TSNARE1: variants seen among roughly 807,000 people sequenced by gnomAD.
TSNARE1 encodes t-SNARE domain-containing protein 1.
TSNARE1 carries 49 observed loss-of-function variants against 62.0 expected under a neutral mutation model. That is an observed-to-expected ratio of 0.79 (90% CI 0.63 to 1.00). The LOEUF (loss-of-function observed/expected upper bound fraction) is 1.00, where lower values mean the gene tolerates loss of function less well. Among genes scored for constraint, TSNARE1 ranks in the 50% least tolerant of loss-of-function variants. The pLI is 0.00. For synonymous variants in TSNARE1, 328 were observed against 294.4 expected, an observed-to-expected ratio of 1.11 and a Z score of -1.17; for missense variants, 755 against 700.1, an observed-to-expected ratio of 1.08 and a Z score of -0.88.
At chr8:142,379,620 T>C (rs1028877209) in intron 1 of TSNARE1, among the ~76,000 whole-genome samples, 13 of 152,194 alleles carry the variant, frequency 8.5e-5, no homozygotes, top group Admixed American at 2.0e-4. Flanking sequence ...TTGAAAGCCC[T>C]TCTCTGCCTG....
chr8:142,350,452 T>G (rs1234445543), intron 2 of TSNARE1, among the ~76,000 whole-genome samples: 2 of 152,234 alleles, frequency 1.3e-5, no homozygotes. Flanking sequence ...AGGAATTAAC[T>G]GGTAGTCAGA....
intron 12 of TSNARE1, among the ~76,000 whole-genome samples, chr8:142,267,130 G>A (rs926172084): frequency 6.6e-6 from 1 of 152,046 alleles, no homozygotes; most frequent in African/African-American, 2.4e-5. Flanking sequence ...AAATCTTTTG[G>A]GGTCTAAACT....
intron 10 of TSNARE1, among the ~76,000 whole-genome samples, chr8:142,284,989 G>A (rs1310427485): frequency 6.6e-6 from 1 of 152,218 alleles, no homozygotes; most frequent in Non-Finnish European, 1.5e-5. Context: ...ACTGAGCATG[G>A]GCCAGCACAC....
At position 142,291,982 on chromosome 8, in the gene TSNARE1, G is replaced by A. The variant is rs1160663509; in HGVS notation, c.1291-7497C>T. ...GCACGCCCCCCCCGGCCCCCCACCT[G>A]TTTCAAGCAGAATGTGATAGAAGGG... On this transcript the variant is annotated intron_variant, in intron 10 of 13. Transcript: ENST00000524325. This position sits in a 1 kb window ranked among gnomAD's most constrained non-coding sequence, Gnocchi z 4.8. Among the ~76,000 whole-genome samples, 1 of 151,154 alleles carries A rather than the reference G, an allele frequency of 6.6e-6. No individual in the cohort carries two copies. The highest frequency in any genetic ancestry group is 2.4e-5 in the African/African-American group (1 of 40,884).
chr8:142,330,527 G>A (rs956676737), intron 6 of TSNARE1, among the ~76,000 whole-genome samples: 1 of 152,260 alleles, frequency 6.6e-6, no homozygotes, highest in Non-Finnish European at 1.5e-5. Context: ...CCATAGCTGA[G>A]CAGGCCCCAA....
chr8:142,334,436 G>A (rs1831474774), intron 4 of TSNARE1, among the ~76,000 whole-genome samples: 1 of 151,912 alleles, frequency 6.6e-6, no homozygotes, highest in South Asian at 2.1e-4. Flanking sequence ...ATTCACAGGT[G>A]GGCAGGTGAC....
intron 1 of TSNARE1, among the ~76,000 whole-genome samples, chr8:142,355,577 G>A (rs941161385): frequency 6.6e-6 from 1 of 152,200 alleles, no homozygotes; most frequent in South Asian, 2.1e-4. Context: ...GATAACGGGA[G>A]CTCTCCTGCC....
chr8:142,376,395 T>C (rs1836343599), intron 1 of TSNARE1, among the ~76,000 whole-genome samples: 1 of 152,152 alleles, frequency 6.6e-6, no homozygotes, highest in Non-Finnish European at 1.5e-5. Context: ...CGTTAGCAGG[T>C]GAGGCATTTG....
At chr8:142,301,404 G>A (rs1462545995) in intron 9 of TSNARE1, among the ~76,000 whole-genome samples, 4 of 118,390 alleles carry the variant, frequency 3.4e-5, no homozygotes, top group African/African-American at 3.3e-5. Flanking sequence ...TCAGGAGCCC[G>A]GCCACAGTGC....
intron 13 of TSNARE1, among the ~76,000 whole-genome samples, chr8:142,213,728 G>A (rs773618475): frequency 3.9e-5 from 6 of 152,192 alleles, no homozygotes; most frequent in African/African-American, 7.2e-5. Context: ...GCAGGGAGGC[G>A]AGGGGAGGGT....
chr8:142,217,850 G>C (rs80047587), intron 13 of TSNARE1, among the ~76,000 whole-genome samples: 15,246 of 109,684 alleles, frequency 0.14, 1,573 homozygotes, highest in African/African-American at 0.18. Context: ...CAGTGTGTGA[G>C]CAGGATCAGG....
At chr8:142,308,366 G>T (rs1827030776) in intron 9 of TSNARE1, among the ~76,000 whole-genome samples, 1 of 152,168 alleles carries the variant, frequency 6.6e-6, no homozygotes, top group Admixed American at 6.5e-5. Context: ...AGTCCGGCTG[G>T]AAGTGCTTTC....
At chr8:142,275,631 A>C (rs1035510787) in intron 11 of TSNARE1, 42 of 985,320 alleles carry the variant, frequency 4.3e-5, no homozygotes, top group Non-Finnish European at 4.7e-5. Context: ...ACACGAGCAA[A>C]CACGAGCACG....
intron 6 of TSNARE1, among the ~76,000 whole-genome samples, chr8:142,330,695 A>G (rs1265934615): frequency 6.6e-6 from 1 of 152,234 alleles, no homozygotes; most frequent in Non-Finnish European, 1.5e-5. Flanking sequence ...GGGCACCTGC[A>G]GGCTGAGGGC....
intron 12 of TSNARE1, among the ~76,000 whole-genome samples, chr8:142,237,583 GTCC>G (rs2130151905): frequency 6.6e-6 from 1 of 152,330 alleles, no homozygotes; most frequent in East Asian, 1.9e-4. Flanking sequence ...TGACAAGGAA[GTCC>G]TCCTGAGGAT....
intron 9 of TSNARE1, among the ~76,000 whole-genome samples, chr8:142,308,976 T>G (rs1827147889): frequency 6.6e-6 from 1 of 152,210 alleles, no homozygotes; most frequent in Non-Finnish European, 1.5e-5. Flanking sequence ...GTCATTTCTC[T>G]TAGTAATGTG....
chr8:142,219,554 G>T (rs1392923919), intron 13 of TSNARE1, among the ~76,000 whole-genome samples: 1 of 152,208 alleles, frequency 6.6e-6, no homozygotes, highest in East Asian at 1.9e-4. Flanking sequence ...CCAGGGCCAT[G>T]GGCCACAGGG....
At chr8:142,388,232 G>C (rs1837238135) in intron 1 of TSNARE1, among the ~76,000 whole-genome samples, 1 of 151,874 alleles carries the variant, frequency 6.6e-6, no homozygotes, top group Admixed American at 6.6e-5. Context: ...TTTTAAAAAA[G>C]AAAACATGAA....
intron 12 of TSNARE1, among the ~76,000 whole-genome samples, chr8:142,233,969 G>T (rs570545801): frequency 6.6e-6 from 1 of 152,214 alleles, no homozygotes; most frequent in Non-Finnish European, 1.5e-5. Context: ...TTCCCCAGTG[G>T]AGCTGTGGGG....
Sources: gnomAD v4.1 joint callset for allele counts (sites outside exome capture counted in the v4.1 genomes callset) on GRCh38, gnomAD v4.1.1 for gene constraint, Gnocchi (gnomAD v3.1) non-coding constraint, MANE v1.5 for transcripts, NCBI Gene and HGNC (gene_info 2026-07-23, HGNC 2026-07-21) for gene names.